Variants in FBXL17 observed in about 807,000 individuals in gnomAD.
The protein encoded by FBXL17 is F-box and leucine rich repeat protein 17.
FBXL17 carries 22 observed loss-of-function variants against 66.2 expected under a neutral mutation model. The observed-to-expected ratio is 0.33, with a 90% CI of 0.24 to 0.47. FBXL17 has a LOEUF of 0.47. Ranked by LOEUF, FBXL17 falls within the 20% of genes least tolerant of loss-of-function variation. The pLI is 1.00. For synonymous variants in FBXL17, 474 were observed against 400.5 expected, an observed-to-expected ratio of 1.18 and a Z score of -2.19; for missense variants, 878 against 948.2, an observed-to-expected ratio of 0.93 and a Z score of 0.97.
Position 108,162,703 on chromosome 5 carries a change from T to A in FBXL17, c.1745+23414A>T, listed in dbSNP as rs1275310046. On this transcript the variant is annotated intron_variant, in intron 6 of 8. Transcript: ENST00000542267. ...ACCTATACAACACTGGGCAAGTTAT[T>A]TAATCTCTAGTGCCTTGGTTCTCTC... is the stretch of plus-strand genomic sequence containing the variant. Among the ~76,000 whole-genome samples the A allele has an allele frequency of 2.0e-5, 3 of 152,302 alleles. No homozygotes were observed. In the East Asian group the frequency reaches 5.8e-4, roughly 29 times the overall value.
At chr5:108,230,857 G>C (rs1755306675) in intron 4 of FBXL17, among the ~76,000 whole-genome samples, 2 of 152,078 alleles carry the variant, frequency 1.3e-5, no homozygotes, top group African/African-American at 4.8e-5. Context: ...CTGCCCGGGT[G>C]ATGGGTGCAC....
chr5:108,294,486 TA>T (rs1284723800), intron 4 of FBXL17, among the ~76,000 whole-genome samples: 3 of 152,006 alleles, frequency 2.0e-5, no homozygotes, highest in African/African-American at 7.2e-5. Flanking sequence ...TCAATCATTA[TA>T]AATATTTTTA....
Position 108,381,688 on chromosome 5 carries a change from C to T in FBXL17, c.4G>A (p.Gly2Ser). Residue 2 changes from glycine to serine, a missense_variant, in exon 1 of 9, where the codon GGC becomes AGC. Transcript: ENST00000542267. Reference sequence around the variant, plus strand: ...CGCGGCTCCTTCGAGAGAAGGTGGCCCATATAGAAGGCCCCGAGGAGGGGG... The same window carrying T: ...CGCGGCTCCTTCGAGAGAAGGTGGCTCATATAGAAGGCCCCGAGGAGGGGG... M[G>S]HLLSKEPRNR... The T allele has an allele frequency of 6.8e-7, 1 of 1,468,638 alleles. No homozygotes were observed. Among genetic ancestry groups the T allele is most frequent in the Non-Finnish European group, 9.0e-7 (1 of 1,115,072 alleles). 91.0% of individuals were successfully genotyped at this position (1,468,638 alleles called of 1,614,324 possible).
rs140097559 is a variant in FBXL17, at chr5:108,284,221, T to G, written c.1507-59993A>C. On this transcript the variant is annotated intron_variant, in intron 4 of 8. Coordinates refer to ENST00000542267, the MANE Select transcript of FBXL17 (RefSeq NM_001163315.3). ...AGGAAAAGAAATCAAAAAAGATATC[T>G]GCATTCATAAGTTTACTGCATCAAA... Among the ~76,000 whole-genome samples, 535 of 151,978 alleles carry G rather than the reference T, an allele frequency of 3.5e-3. 3 individuals are homozygous for G. Among genetic ancestry groups the G allele is most frequent in the African/African-American group, 0.012 (518 of 41,524 alleles).
intron 5 of FBXL17, among the ~76,000 whole-genome samples, chr5:108,221,864 C>G (rs539066961): frequency 2.0e-5 from 3 of 152,080 alleles, no homozygotes; most frequent in East Asian, 1.9e-4. Flanking sequence ...TTTGCAGAAC[C>G]GATGCATGTA....
At chr5:107,869,744 A>G (rs1362826596) in intron 8 of FBXL17, among the ~76,000 whole-genome samples, 10 of 152,108 alleles carry the variant, frequency 6.6e-5, no homozygotes, top group African/African-American at 2.4e-4. Flanking sequence ...CCGCTTTTCA[A>G]TCTCTCACCT....
At chr5:108,154,858 T>C (rs1458280512) in intron 6 of FBXL17, among the ~76,000 whole-genome samples, 1 of 151,622 alleles carries the variant, frequency 6.6e-6, no homozygotes, top group Non-Finnish European at 1.5e-5. Flanking sequence ...ACCTAATCCT[T>C]ACAGACTGCT....
intron 7 of FBXL17, among the ~76,000 whole-genome samples, chr5:107,960,280 C>G (rs1418549339): frequency 6.6e-6 from 1 of 152,038 alleles, no homozygotes; most frequent in Non-Finnish European, 1.5e-5. Context: ...TATGTATACA[C>G]TATGGAATAA....
Position 107,916,204 on chromosome 5 carries a change from C to T in FBXL17, c.1823-35025G>A, listed in dbSNP as rs143418033. ...ATAAAGACTAGGTGGTTTGGGACTACGATAATCAATCCTTTGTTTTCACAA... is the reference window on the plus strand; with the variant it reads ...ATAAAGACTAGGTGGTTTGGGACTATGATAATCAATCCTTTGTTTTCACAA... On this transcript the variant is annotated intron_variant, in intron 7 of 8. Transcript: ENST00000542267. Among the ~76,000 whole-genome samples, 1,264 of 152,268 alleles carry T rather than the reference C, an allele frequency of 8.3e-3. 7 individuals are homozygous for T. The highest frequency in any genetic ancestry group is 0.013 in the Non-Finnish European group (907 of 68,028).
chr5:108,116,509 G>A (rs7729464), intron 6 of FBXL17, among the ~76,000 whole-genome samples: 5,677 of 151,158 alleles, frequency 0.038, 131 homozygotes, highest in African/African-American at 0.075. Flanking sequence ...TTAGCTGGGC[G>A]TGGTGGCATG....
chr5:107,878,186 T>C (rs2112496760), intron 8 of FBXL17: 1 of 924,946 alleles, frequency 1.1e-6, no homozygotes, highest in Non-Finnish European at 1.3e-6. Context: ...TAATTTTAAA[T>C]TTAGGTGAGG....
At chr5:107,875,507 A>C (rs1748593975) in intron 8 of FBXL17, among the ~76,000 whole-genome samples, 1 of 152,200 alleles carries the variant, frequency 6.6e-6, no homozygotes, top group Non-Finnish European at 1.5e-5. Context: ...TTTTTACATT[A>C]AATTGGGCAC....
At chr5:108,342,461 T>G (rs1321455373) in intron 4 of FBXL17, among the ~76,000 whole-genome samples, 1 of 152,220 alleles carries the variant, frequency 6.6e-6, no homozygotes, top group Non-Finnish European at 1.5e-5. Flanking sequence ...AAAATGATTT[T>G]CTACTCATGC....
intron 4 of FBXL17, among the ~76,000 whole-genome samples, chr5:108,245,463 C>T (rs80232793): frequency 0.012 from 1,755 of 152,200 alleles, 35 homozygotes; most frequent in African/African-American, 0.04. Context: ...GAAAACCGAT[C>T]ATCAAAAAAC....
chr5:108,115,994 T>C (rs930063834), intron 6 of FBXL17, among the ~76,000 whole-genome samples: 8 of 152,134 alleles, frequency 5.3e-5, no homozygotes, highest in African/African-American at 1.9e-4. Context: ...TTAAGCTAAA[T>C]AACCATTGGC....
intron 6 of FBXL17, among the ~76,000 whole-genome samples, chr5:108,030,306 G>C (rs1227398455): frequency 6.6e-6 from 1 of 152,128 alleles, no homozygotes; most frequent in Non-Finnish European, 1.5e-5. Flanking sequence ...AAACCAGTGT[G>C]GAAGACTGAT....
At chr5:108,286,093 C>T (rs112159646) in intron 4 of FBXL17, among the ~76,000 whole-genome samples, 1,947 of 151,922 alleles carry the variant, frequency 0.013, 35 homozygotes, top group African/African-American at 0.043. Flanking sequence ...ATTCAACATC[C>T]CTTCATGTTA....
At chr5:108,343,931 T>C (rs1580855152) in intron 4 of FBXL17, among the ~76,000 whole-genome samples, 1 of 152,216 alleles carries the variant, frequency 6.6e-6, no homozygotes, top group African/African-American at 2.4e-5. Context: ...AGCTTTCTTG[T>C]GTTTTGTGGC....
chr5:107,951,558 T>G (rs1214651615), intron 7 of FBXL17, among the ~76,000 whole-genome samples: 2 of 150,744 alleles, frequency 1.3e-5, no homozygotes, highest in East Asian at 3.9e-4. Context: ...GAGAAAGTCT[T>G]TTTTATCTTG....
Sources: gnomAD v4.1 joint callset for allele counts (sites outside exome capture counted in the v4.1 genomes callset) on GRCh38, gnomAD v4.1.1 for gene constraint, MANE v1.5 for transcripts, NCBI Gene and HGNC (gene_info 2026-07-23, HGNC 2026-07-21) for gene names.